Variants in ADAMTS9 observed in about 807,000 individuals in gnomAD.
The protein encoded by ADAMTS9 is A disintegrin and metalloproteinase with thrombospondin motifs 9.
In ADAMTS9, 107 loss-of-function variants were observed where a neutral mutation model predicts 257.1. That is an observed-to-expected ratio of 0.42 (90% CI 0.36 to 0.49). The LOEUF is 0.49. Among genes scored for constraint, ADAMTS9 ranks in the 20% least tolerant of loss-of-function variants. ADAMTS9 has a pLI of 0.03. For missense variants in ADAMTS9, 2,353 were observed against 2,469.1 expected, an observed-to-expected ratio of 0.95 and a Z score of 1.00; for synonymous variants, 982 against 880.9, an observed-to-expected ratio of 1.11 and a Z score of -2.03.
chr3:64,674,818 C>T (rs1160708422), intron 3 of ADAMTS9, among the ~76,000 whole-genome samples: 2 of 152,204 alleles, frequency 1.3e-5, no homozygotes, highest in Non-Finnish European at 2.9e-5. Context: ...CTCCGTCTCT[C>T]ACTCCATTTG....
chr3:64,584,355 T>G (rs2084089877), intron 28 of ADAMTS9, among the ~76,000 whole-genome samples: 1 of 151,974 alleles, frequency 6.6e-6, no homozygotes, highest in Non-Finnish European at 1.5e-5. Flanking sequence ...TTTAGCTGCA[T>G]GGGTGGGATG....
At position 64,546,961 on chromosome 3, in the gene ADAMTS9, A is replaced by T. The variant is rs2083208514; in HGVS notation, c.4870-9T>A. 6.3e-7 allele frequency: 1 copy of T among 1,599,472 alleles called. No individual in the cohort carries two copies. Among genetic ancestry groups the T allele is most frequent in the South Asian group, 1.1e-5 (1 of 87,192 alleles). ...CCACAGGTCACTGAGCACTGCAAAG[A>T]CAGGGATTGAGAGGAGAGGTTCGAG... On this transcript the variant is annotated splice_polypyrimidine_tract_variant and intron_variant, in intron 31 of 39. Transcript: ENST00000498707.
At chr3:64,557,275 T>C (rs2083351421) in intron 30 of ADAMTS9, among the ~76,000 whole-genome samples, 1 of 152,166 alleles carries the variant, frequency 6.6e-6, no homozygotes, top group African/African-American at 2.4e-5. Context: ...GTGAGATCTA[T>C]TCCTCAATGC....
At chr3:64,573,539 T>C (rs1225500024) in intron 28 of ADAMTS9, among the ~76,000 whole-genome samples, 3 of 152,246 alleles carry the variant, frequency 2.0e-5, no homozygotes, top group Admixed American at 6.5e-5. Context: ...GGAATTACTA[T>C]TCAAGGCCTT....
chr3:64,670,332 G>A (rs767440406), intron 3 of ADAMTS9, among the ~76,000 whole-genome samples: 1 of 152,166 alleles, frequency 6.6e-6, no homozygotes, highest in Non-Finnish European at 1.5e-5. Context: ...TTGTGTTTCT[G>A]GATACAGATG....
intron 28 of ADAMTS9, chr3:64,588,144 T>G (rs1175872692): frequency 6.6e-6 from 1 of 152,156 alleles, no homozygotes; most frequent in Non-Finnish European, 1.5e-5. Flanking sequence ...AAAGATAAAA[T>G]TGCTAATTTA....
chr3:64,620,561 C>T (rs1008553786), intron 19 of ADAMTS9, among the ~76,000 whole-genome samples: 3 of 152,132 alleles, frequency 2.0e-5, no homozygotes, highest in Admixed American at 1.3e-4. Context: ...AATGCTCTAC[C>T]CACCCAGTAT....
chr3:64,643,939 C>T (rs908434587), intron 11 of ADAMTS9, among the ~76,000 whole-genome samples: 2 of 152,134 alleles, frequency 1.3e-5, no homozygotes, highest in Non-Finnish European at 2.9e-5. Flanking sequence ...TAACAAAATA[C>T]AACAGGTCTC....
chr3:64,576,704 C>G (rs547009032), intron 28 of ADAMTS9, among the ~76,000 whole-genome samples: 2 of 152,154 alleles, frequency 1.3e-5, no homozygotes, highest in African/African-American at 4.8e-5. Flanking sequence ...TCATCCCAGC[C>G]GGATGGGGCA....
intron 19 of ADAMTS9, among the ~76,000 whole-genome samples, chr3:64,620,464 G>A (rs991873343): frequency 6.7e-6 from 1 of 150,254 alleles, no homozygotes; most frequent in Non-Finnish European, 1.5e-5. Context: ...GCATTTAACT[G>A]TCATGCAGAG....
rs139851751 is a variant in ADAMTS9, at chr3:64,521,004, T to C, written c.*5+1162A>G. On this transcript the variant is annotated intron_variant, in intron 39 of 39. Transcript: ENST00000498707. ...CAAAAGAAACTATCAACAGAATAAATGGACAATCTACAGAATAGGAGAAAA... is the reference window on the plus strand; with the variant it reads ...CAAAAGAAACTATCAACAGAATAAACGGACAATCTACAGAATAGGAGAAAA... Among the ~76,000 whole-genome samples, 1,395 of 152,064 alleles carry C rather than the reference T, an allele frequency of 9.2e-3. 24 individuals carry two copies. The highest frequency in any genetic ancestry group is 0.03 in the African/African-American group (1,237 of 41,490).
At chr3:64,629,500 T>C (rs1171824200) in intron 16 of ADAMTS9, among the ~76,000 whole-genome samples, 1 of 152,230 alleles carries the variant, frequency 6.6e-6, no homozygotes, top group African/African-American at 2.4e-5. Context: ...CTATTCCCTC[T>C]GCCTGGAATG....
chr3:64,669,462 A>G (rs953522572), intron 3 of ADAMTS9, among the ~76,000 whole-genome samples: 1 of 152,188 alleles, frequency 6.6e-6, no homozygotes, highest in African/African-American at 2.4e-5. Flanking sequence ...TAGCTCCAAG[A>G]TTAGGAGTCC....
At chr3:64,526,578 T>C (rs191724531) in intron 38 of ADAMTS9, among the ~76,000 whole-genome samples, 186 of 152,302 alleles carry the variant, frequency 1.2e-3, no homozygotes, top group African/African-American at 4.3e-3. Context: ...GGCTTAAGTA[T>C]AGGGCCAGGG....
rs145375604 is a variant in ADAMTS9 at position 64,659,046 on chromosome 3, C to A, written c.680-255G>T. 3.5e-3 allele frequency among the ~76,000 whole-genome samples: 533 copies of A among 152,278 alleles called. 8 individuals are homozygous for A. Among genetic ancestry groups the A allele is most frequent in the African/African-American group, 0.012 (492 of 41,566 alleles). On this transcript the variant is annotated intron_variant, in intron 3 of 39. Coordinates refer to ENST00000498707, the MANE Select transcript of ADAMTS9 (RefSeq NM_182920.2). ...AAATCAGGCCCGAGCTTAAGGGAAA[C>A]AATTGCACGTGATTCTTATTCATTT...
intron 22 of ADAMTS9, among the ~76,000 whole-genome samples, chr3:64,611,696 A>C (rs756132120): frequency 6.6e-6 from 1 of 152,164 alleles, no homozygotes; most frequent in Non-Finnish European, 1.5e-5. Flanking sequence ...TGAGAATCCA[A>C]TGCTGCTGCT....
chr3:64,655,843 TC>T lies in ADAMTS9; in HGVS notation c.1001del (p.Gly334GlufsTer3). The T allele has an allele frequency of 6.4e-7, 1 of 1,571,470 alleles. No individual in the cohort carries two copies. The highest frequency in any genetic ancestry group is 1.2e-5 in the South Asian group (1 of 83,902). ...TCACAATAACAATATTAATTAAATT[TC>T]CAATACTTGGGTCTTTATAGATAGA... ...VASIYKDPSI[G>X]NLINIVIVNL... On this transcript the variant is annotated frameshift_variant, in exon 5 of 40. Coordinates refer to ENST00000498707, the MANE Select transcript of ADAMTS9 (RefSeq NM_182920.2). LOFTEE classifies it high-confidence loss of function.
At chr3:64,601,806 T>C in intron 26 of ADAMTS9, 138 bp downstream of exon 26, 1 of 1,039,144 alleles carries the variant, frequency 9.6e-7, no homozygotes, top group Non-Finnish European at 1.4e-6. Flanking sequence ...CCATTACAAG[T>C]TACTCAAAGC....
chr3:64,558,534 T>C (rs1166366946), intron 30 of ADAMTS9, among the ~76,000 whole-genome samples: 1 of 152,126 alleles, frequency 6.6e-6, no homozygotes, highest in African/African-American at 2.4e-5. Context: ...CTCAAAGTTG[T>C]GCAGTATACA....
Sources: gnomAD v4.1 joint callset for allele counts (sites outside exome capture counted in the v4.1 genomes callset) on GRCh38, gnomAD v4.1.1 for gene constraint, MANE v1.5 for transcripts, NCBI Gene and HGNC (gene_info 2026-07-23, HGNC 2026-07-21) for gene names.